ZNF385B: variants seen among roughly 807,000 people sequenced by gnomAD.
ZNF385B encodes the protein zinc finger protein 385B.
ZNF385B carries 23 observed loss-of-function variants against 39.2 expected under a neutral mutation model. The ratio of observed to expected loss-of-function variants is 0.59; its 90% CI spans 0.42 to 0.83. The LOEUF is 0.83. ZNF385B is among the 40% of genes least tolerant of loss of function. The pLI, the probability that ZNF385B is intolerant of heterozygous loss-of-function variation, is 0.00. For missense variants in ZNF385B, 552 were observed against 598.9 expected (o/e 0.92, Z 0.82); for synonymous variants, 205 against 222.6 (o/e 0.92, Z 0.70).
intron 6 of ZNF385B, among the ~76,000 whole-genome samples, chr2:179,455,542 A>C (rs2050597287): frequency 6.6e-6 from 1 of 151,994 alleles, no homozygotes; most frequent in Non-Finnish European, 1.5e-5. Context: ...AAGTTTCCTG[A>C]GGCCTCCCCA....
chr2:179,616,726 AT>A (rs1350691033), intron 3 of ZNF385B, among the ~76,000 whole-genome samples: 4 of 151,778 alleles, frequency 2.6e-5, no homozygotes, highest in African/African-American at 4.8e-5. Flanking sequence ...GGCCCGGCTA[AT>A]TTTTTTTATT....
At chr2:179,809,307 C>T (rs569303321) in intron 1 of ZNF385B, among the ~76,000 whole-genome samples, 8 of 152,250 alleles carry the variant, frequency 5.3e-5, no homozygotes, top group Non-Finnish European at 7.4e-5. Flanking sequence ...TAAAGAGTTT[C>T]AGTAAAACTC....
At chr2:179,687,780 T>C (rs1698039511) in intron 3 of ZNF385B, among the ~76,000 whole-genome samples, 1 of 152,176 alleles carries the variant, frequency 6.6e-6, no homozygotes, top group African/African-American at 2.4e-5. Flanking sequence ...AAAATAGTAG[T>C]AACAATACTA....
At chr2:179,569,822 A>G (rs1685008843) in intron 3 of ZNF385B, among the ~76,000 whole-genome samples, 1 of 152,214 alleles carries the variant, frequency 6.6e-6, no homozygotes, top group Admixed American at 6.5e-5. Context: ...TTGTTCTGCC[A>G]TTCATATAAG....
At chr2:179,803,784 T>C (rs1037672715) in intron 1 of ZNF385B, among the ~76,000 whole-genome samples, 1 of 151,688 alleles carries the variant, frequency 6.6e-6, no homozygotes, top group Non-Finnish European at 1.5e-5. Flanking sequence ...AAAAAAAAAA[T>C]ACAGCCAGTA....
At chr2:179,447,435 A>G (rs796479112) in intron 6 of ZNF385B, among the ~76,000 whole-genome samples, 2 of 152,330 alleles carry the variant, frequency 1.3e-5, no homozygotes, top group African/African-American at 4.8e-5. Context: ...AAGATTAGCC[A>G]AGTCATTTAA....
intron 1 of ZNF385B, among the ~76,000 whole-genome samples, chr2:179,816,654 G>A (rs918827107): frequency 6.6e-6 from 1 of 152,118 alleles, no homozygotes; most frequent in South Asian, 2.1e-4. Flanking sequence ...TCAAATAGAA[G>A]TTCAATGTTT....
chr2:179,610,815 T>C (rs1027849688), intron 3 of ZNF385B, among the ~76,000 whole-genome samples: 1 of 152,078 alleles, frequency 6.6e-6, no homozygotes, highest in African/African-American at 2.4e-5. Flanking sequence ...GTAAATAAGA[T>C]TATTTTCTTG....
At chr2:179,803,974 G>A (rs1706193878) in intron 1 of ZNF385B, among the ~76,000 whole-genome samples, 1 of 152,182 alleles carries the variant, frequency 6.6e-6, no homozygotes, top group Non-Finnish European at 1.5e-5. Flanking sequence ...CTCAGGCTTG[G>A]AGAGACAGAA....
chr2:179,495,431 C>G (rs2056098676), intron 5 of ZNF385B, among the ~76,000 whole-genome samples: 1 of 152,208 alleles, frequency 6.6e-6, no homozygotes, highest in Non-Finnish European at 1.5e-5. Context: ...TGGGGGACCT[C>G]ACCGCCCTAA....
Position 179,465,084 on chromosome 2 carries a change from T to G in ZNF385B, c.715+18188A>C, listed in dbSNP as rs1239306192. On this transcript the variant is annotated intron_variant, in intron 6 of 9. Coordinates refer to ENST00000410066, the MANE Select transcript of ZNF385B (RefSeq NM_152520.6). The stretch of plus-strand genomic sequence containing the variant: ...CAAAGGCAAAGGTGTCTCTTCTGTC[T>G]TCTCTTGAACTGGACATGATTTTTT... Among the ~76,000 whole-genome samples the G allele has an allele frequency of 2.0e-5, 3 of 152,186 alleles. No homozygotes were observed. The East Asian group carries it at 5.8e-4, about 29-fold the overall frequency.
Position 179,761,910 on chromosome 2 carries a change from T to C in ZNF385B, c.298+7593A>G, listed in dbSNP as rs985961417. ...TTTTTATTTGTTTTTCTTGCCTTAT[T>C]ATAATGGCTAGAACTTCCAGCACCA... On this transcript the variant is annotated intron_variant, in intron 3 of 9. Transcript: ENST00000410066. 4.6e-5 allele frequency among the ~76,000 whole-genome samples: 7 copies of C among 151,880 alleles called. No individual in the cohort carries two copies. The South Asian group carries it at 1.2e-3, about 27-fold the overall frequency.
At chr2:179,636,394 A>T (rs1214519685) in intron 3 of ZNF385B, among the ~76,000 whole-genome samples, 1 of 152,194 alleles carries the variant, frequency 6.6e-6, no homozygotes, top group Admixed American at 6.5e-5. Context: ...ACATCCCACT[A>T]AACTCTGAGT....
intron 3 of ZNF385B, among the ~76,000 whole-genome samples, chr2:179,549,459 C>A (rs2060433040): frequency 6.7e-6 from 1 of 149,252 alleles, no homozygotes; most frequent in African/African-American, 2.5e-5. Flanking sequence ...TAGGAGGGTT[C>A]CAATTTTTCC....
intron 3 of ZNF385B, among the ~76,000 whole-genome samples, chr2:179,728,723 T>C (rs1433335672): frequency 1.3e-5 from 2 of 152,132 alleles, no homozygotes; most frequent in East Asian, 3.8e-4. Context: ...CAAACTCTAA[T>C]CTTTAGGGAA....
chr2:179,734,383 C>T (rs1701604050), intron 3 of ZNF385B, among the ~76,000 whole-genome samples: 1 of 152,162 alleles, frequency 6.6e-6, no homozygotes, highest in African/African-American at 2.4e-5. Context: ...TTAAATGAAT[C>T]AATTCATACT....
rs987554210 is a variant in ZNF385B, at chr2:179,549,641, G to C, written c.299-4672C>G. 3.3e-5 allele frequency among the ~76,000 whole-genome samples: 5 copies of C among 149,590 alleles called. 1 individual carries two copies. Among genetic ancestry groups the C allele is most frequent in the African/African-American group, 1.3e-4 (5 of 39,800 alleles). On this transcript the variant is annotated intron_variant, in intron 3 of 9. Transcript: ENST00000410066. ...TATTTCAATGATCCTTTTTGGTAAT[G>C]AATTTTCTTAATAAACTCTGCATCA...
chr2:179,663,713 CAAAAAA>C (rs71401756), intron 3 of ZNF385B, among the ~76,000 whole-genome samples: 30 of 67,732 alleles, frequency 4.4e-4, no homozygotes, highest in African/African-American at 1.9e-3. Flanking sequence ...GACTCCGTCT[CAAAAAA>C]AAAAAAAAAA....
intron 5 of ZNF385B, among the ~76,000 whole-genome samples, chr2:179,493,351 G>A (rs2055451458): frequency 6.9e-6 from 1 of 144,310 alleles, no homozygotes; most frequent in Admixed American, 7.4e-5. Flanking sequence ...TATATGGCAT[G>A]TATATATATA....
Sources: gnomAD v4.1 joint callset for allele counts (sites outside exome capture counted in the v4.1 genomes callset) on GRCh38, gnomAD v4.1.1 for gene constraint, MANE v1.5 for transcripts, NCBI Gene and HGNC (gene_info 2026-07-23, HGNC 2026-07-21) for gene names.